TRPM4: variants seen among roughly 807,000 people sequenced by gnomAD.
TRPM4 encodes transient receptor potential cation channel subfamily M member 4, also known as calcium-activated non-selective cation channel 1.
Under a neutral mutation model 135.6 loss-of-function variants are expected in TRPM4, and 124 were observed. The observed-to-expected ratio is 0.91, with a 90% CI of 0.79 to 1.06. TRPM4 has a LOEUF of 1.06. Among genes scored for constraint, TRPM4 ranks in the 50% least tolerant of loss-of-function variants. TRPM4 has a pLI of 0.00. For missense variants in TRPM4, 1,658 were observed against 1,671.4 expected (o/e 0.99, Z 0.14); for synonymous variants, 745 against 705.6 (o/e 1.06, Z -0.88).
chr19:49,166,599 T>C (rs1967193270), intron 3 of TRPM4, among the ~76,000 whole-genome samples: 1 of 142,692 alleles, frequency 7.0e-6, no homozygotes. Flanking sequence ...TGTCCCCCTC[T>C]CTCTCTGGGT....
intron 2 of TRPM4, among the ~76,000 whole-genome samples, chr19:49,160,937 C>T (rs890640892): frequency 7.9e-5 from 12 of 151,884 alleles, no homozygotes; most frequent in African/African-American, 2.4e-4. Flanking sequence ...GAGGGGGTGC[C>T]GCCATCGGTG....
intron 16 of TRPM4, among the ~76,000 whole-genome samples, chr19:49,191,153 C>T (rs1675985809): frequency 2.6e-5 from 4 of 152,136 alleles, no homozygotes; most frequent in Admixed American, 2.0e-4. Context: ...CACCAGGACC[C>T]AAACACTTCC....
intron 16 of TRPM4, among the ~76,000 whole-genome samples, chr19:49,195,622 G>A (rs148204137): frequency 0.027 from 4,159 of 151,422 alleles, 94 homozygotes; most frequent in Non-Finnish European, 0.041. Flanking sequence ...TGCCTGCCTC[G>A]GCCTCCCCAA....
chr19:49,158,244 A>C lies in TRPM4; in HGVS notation c.77A>C (p.Asp26Ala). ...KKKTCTTFIVDSTDPGGTLCQ... is the reference protein window; with the variant it reads ...KKKTCTTFIVASTDPGGTLCQ... ...AAGACCTGCACGACGTTCATAGTTG[A>C]CTCCACAGATCCGGGGTGAGGAGTT... Residue 26 changes from aspartate to alanine, a missense_variant, in exon 2 of 25, where the codon GAC (aspartate) becomes GCC (alanine). Asp to Ala is a moderately radical substitution (Grantham distance 126). Transcript: ENST00000252826. 1 of 1,613,284 alleles carries C rather than the reference A, an allele frequency of 6.2e-7. No homozygotes were observed. Among genetic ancestry groups the C allele is most frequent in the Non-Finnish European group, 8.5e-7 (1 of 1,179,796 alleles).
intron 12 of TRPM4, 90 bp from the exon 13 acceptor site, chr19:49,188,551 A>T: frequency 6.3e-7 from 1 of 1,586,818 alleles, no homozygotes; most frequent in Non-Finnish European, 8.6e-7. Flanking sequence ...TTAGTTTCTG[A>T]CCTCTGACTC....
intron 2 of TRPM4, among the ~76,000 whole-genome samples, chr19:49,164,773 C>G (rs1376864627): frequency 3.3e-5 from 5 of 151,648 alleles, no homozygotes; most frequent in African/African-American, 1.2e-4. Context: ...CTCTGTTGCC[C>G]AGGTTGGAGT....
At chr19:49,162,853 C>G (rs1365506321) in intron 2 of TRPM4, among the ~76,000 whole-genome samples, 1 of 151,938 alleles carries the variant, frequency 6.6e-6, no homozygotes, top group African/African-American at 2.4e-5. Flanking sequence ...CCTCCGCCTC[C>G]CGGGTTCATG....
chr19:49,204,930 C>T (rs990823702), intron 20 of TRPM4, among the ~76,000 whole-genome samples: 1 of 122,444 alleles, frequency 8.2e-6, no homozygotes, highest in Non-Finnish European at 1.7e-5. Context: ...TGCTTCCTTT[C>T]TTGTTGGCAT....
intron 9 of TRPM4, among the ~76,000 whole-genome samples, chr19:49,178,435 A>G (rs1377882762): frequency 6.6e-6 from 1 of 152,128 alleles, no homozygotes; most frequent in Non-Finnish European, 1.5e-5. Flanking sequence ...AGCTGGGGCC[A>G]GGAGGACAGT....
chr19:49,204,863 C>G (rs1307695113), intron 20 of TRPM4, among the ~76,000 whole-genome samples: 1 of 144,358 alleles, frequency 6.9e-6, no homozygotes, highest in Non-Finnish European at 1.5e-5. Context: ...TGCCCAGCGG[C>G]TATTTTTTTT....
At chr19:49,175,907 G>A (rs556692771) in intron 9 of TRPM4, among the ~76,000 whole-genome samples, 30 of 143,284 alleles carry the variant, frequency 2.1e-4, no homozygotes, top group Non-Finnish European at 3.6e-4. Flanking sequence ...GATTACAGGC[G>A]TGAGCCACGG....
Position 49,199,259 on chromosome 19 carries a change from GTTTTT to G in TRPM4, c.2646-1040_2646-1036del, listed in dbSNP as rs1568487594. Among the ~76,000 whole-genome samples the G allele has an allele frequency of 6.9e-3, 541 of 78,164 alleles. 4 individuals carry two copies. The highest frequency in any genetic ancestry group is 0.023 in the African/African-American group (513 of 21,958). The allele number at this position is 78,164 out of a possible 152,430, so 51.3% of individuals were successfully genotyped here. On this transcript the variant is annotated intron_variant, in intron 17 of 24. Coordinates refer to ENST00000252826, the MANE Select transcript of TRPM4 (RefSeq NM_017636.4). ...CCCCCTTGTTTTTTTTTTGGTTTTT[GTTTTT>G]GTTTTTGTTTTTGAGACGGAGTCTC...
chr19:49,211,599 T>A lies in TRPM4; in HGVS notation c.*101T>A. ...CCCCCGCACCTGGTGGCCTTGTCCTTGAGGTGAGCCCCATGTCCATCTGGG... is the reference window on the plus strand; with the variant it reads ...CCCCCGCACCTGGTGGCCTTGTCCTAGAGGTGAGCCCCATGTCCATCTGGG... On this transcript the variant is annotated 3_prime_UTR_variant, in exon 25 of 25. Coordinates refer to ENST00000252826, the MANE Select transcript of TRPM4 (RefSeq NM_017636.4). This position sits in a 1 kb window ranked among gnomAD's most constrained non-coding sequence, Gnocchi z 4.8. 6.7e-7 allele frequency: 1 copy of A among 1,486,870 alleles called. No homozygotes were observed. The allele number at this position is 1,486,870 out of a possible 1,614,324, so 92.1% of individuals were successfully genotyped here. A position where few individuals can be genotyped will look rare whatever the true frequency, so the allele number is the denominator to read the frequency against.
At chr19:49,200,817 C>G in intron 19 of TRPM4, 32 bp downstream of exon 19, 1 of 1,611,352 alleles carries the variant, frequency 6.2e-7, no homozygotes, top group Non-Finnish European at 8.5e-7. Context: ...CAGCCTTCCT[C>G]TGAGTCTCTG....
chr19:49,181,790 C>T (rs1340582177), intron 10 of TRPM4, among the ~76,000 whole-genome samples: 2 of 151,942 alleles, frequency 1.3e-5, no homozygotes, highest in Non-Finnish European at 2.9e-5. Context: ...CCTCAGGCTC[C>T]CAAAGTGCTG....
chr19:49,188,749 A>C lies in TRPM4; in HGVS notation c.1852A>C (p.Lys618Gln), dbSNP rs1968293369. Residue 618 changes from lysine (K) to glutamine (Q), a missense_variant, in exon 13 of 25, where the codon AAG (lysine) becomes CAG (glutamine). Lys to Gln is a moderately conservative substitution (Grantham distance 53). This residue lies in a region of TRPM4 where 1,412 missense variants were observed against 1,408.7 expected (regional missense o/e 1.00). Coordinates refer to ENST00000252826, the MANE Select transcript of TRPM4 (RefSeq NM_017636.4). ...AGCACGGAGGAAAGACCTGGCGTTC[A>C]AGTTTGAGGGGATGGGCGTTGGTGC... The part of the protein sequence containing the change: ...EAARRKDLAF[K>Q]FEGMGVDLFG... The C allele has an allele frequency of 6.2e-7, 1 of 1,614,170 alleles. No individual in the cohort carries two copies. The highest frequency in any genetic ancestry group is 8.5e-7 in the Non-Finnish European group (1 of 1,180,030).
At chr19:49,165,088 A>G (rs1017418190) in intron 2 of TRPM4, among the ~76,000 whole-genome samples, 4 of 151,822 alleles carry the variant, frequency 2.6e-5, no homozygotes, top group African/African-American at 9.7e-5. Context: ...CCTGTTACTT[A>G]CTCAGGTGCC....
Position 49,168,694 on chromosome 19 carries a change from C to G in TRPM4, c.754C>G (p.Arg252Gly). Residue 252 changes from arginine to glycine, a missense_variant, in exon 6 of 25, where the codon CGC (arginine) becomes GGC (glycine). Physicochemically the swap from Arg to Gly is moderately radical, Grantham distance 125 (BLOSUM62 -2). Around this residue, in one of 3 missense-constraint regions of TRPM4, gnomAD observed 1,412 missense variants for 1,408.7 expected, o/e 1.00. Transcript: ENST00000252826. Reference sequence around the variant, plus strand: ...GGGGGGCGAGAACCGCTTCCGCTTGCGCCTGGAGTCCTACATCTCACAGCA... The same window carrying G: ...GGGGGGCGAGAACCGCTTCCGCTTGGGCCTGGAGTCCTACATCTCACAGCA... ...CLGGENRFRL[R>G]LESYISQQKT... is the part of the protein sequence containing the mutation. The G allele has an allele frequency of 6.2e-7, 1 of 1,608,476 alleles. No individual in the cohort carries two copies. Among genetic ancestry groups the G allele is most frequent in the South Asian group, 1.1e-5 (1 of 90,282 alleles).
Position 49,210,164 on chromosome 19 carries a change from G to A in TRPM4, c.3132-45G>A, listed in dbSNP as rs548022448. 214 of 1,604,756 alleles carry A rather than the reference G, an allele frequency of 1.3e-4. No homozygotes were observed. The highest frequency in any genetic ancestry group is 2.0e-4 in the Admixed American group (12 of 59,970). ...CATCTAACCTTCGTCCTTGCCCCTG[G>A]CTGGGCCCTGACCTCAAGTGACCTT... is the stretch of plus-strand genomic sequence containing the variant. On this transcript the variant is annotated intron_variant, in intron 20 of 24. Coordinates refer to ENST00000252826, the MANE Select transcript of TRPM4 (RefSeq NM_017636.4). This position sits in a 1 kb window ranked among gnomAD's most constrained non-coding sequence, Gnocchi z 4.1.
Sources: gnomAD v4.1 joint callset for allele counts (sites outside exome capture counted in the v4.1 genomes callset) on GRCh38, gnomAD v4.1.1 for gene constraint, gnomAD v4.1.1 regional missense constraint, Gnocchi (gnomAD v3.1) non-coding constraint, MANE v1.5 for transcripts, NCBI Gene and HGNC (gene_info 2026-07-23, HGNC 2026-07-21) for gene names.